Variants in PTPRD observed in about 807,000 individuals in gnomAD.
PTPRD encodes receptor-type tyrosine-protein phosphatase delta.
A neutral mutation model predicts 214.5 loss-of-function variants in PTPRD; 34 were observed. The observed-to-expected ratio is 0.16, with a 90% CI of 0.12 to 0.21. The LOEUF is 0.21. PTPRD is among the 10% of genes least tolerant of loss of function. The pLI is 1.00. For missense variants in PTPRD, 2,545 were observed against 2,398.7 expected, an observed-to-expected ratio of 1.06 and a Z score of -1.27; for synonymous variants, 1,128 against 845.7, an observed-to-expected ratio of 1.33 and a Z score of -5.79.
chr9:8,608,410 A>G (rs1003118612), intron 14 of PTPRD, among the ~76,000 whole-genome samples: 15 of 152,070 alleles, frequency 9.9e-5, no homozygotes, highest in African/African-American at 3.4e-4. Context: ...GTATTTCCAA[A>G]CTCTAGAATG....
intron 32 of PTPRD, among the ~76,000 whole-genome samples, chr9:8,461,779 T>C (rs576639583): frequency 3.3e-5 from 5 of 152,126 alleles, no homozygotes; most frequent in South Asian, 2.1e-4. Flanking sequence ...GAGTTAATTA[T>C]CTCTGACTCC....
At chr9:10,277,644 C>G (rs117313412) in intron 3 of PTPRD, among the ~76,000 whole-genome samples, 3 of 152,322 alleles carry the variant, frequency 2.0e-5, no homozygotes, top group East Asian at 3.9e-4. Flanking sequence ...TCTTGTATAA[C>G]TACTGCTATC....
intron 4 of PTPRD, among the ~76,000 whole-genome samples, chr9:9,947,416 A>ATATATTTTTTATATATAC (rs2092794938): frequency 2.6e-5 from 1 of 38,420 alleles, no homozygotes; most frequent in African/African-American, 1.9e-4. Context: ...TATATATTTT[A>ATATATTTTTTATATATAC]TATATATATT....
chr9:8,971,423 C>T (rs181657807), intron 11 of PTPRD, among the ~76,000 whole-genome samples: 4 of 151,742 alleles, frequency 2.6e-5, no homozygotes, highest in African/African-American at 7.2e-5. Context: ...CACAGCCTGG[C>T]TCCTGTAATT....
At chr9:10,529,975 G>A (rs1393102294) in intron 2 of PTPRD, among the ~76,000 whole-genome samples, 4 of 151,584 alleles carry the variant, frequency 2.6e-5, no homozygotes, top group East Asian at 1.9e-4. Context: ...AGACCTAGAC[G>A]ACAGGTTGTT....
At chr9:10,054,412 C>G (rs2097584848) in intron 3 of PTPRD, among the ~76,000 whole-genome samples, 1 of 152,040 alleles carries the variant, frequency 6.6e-6, no homozygotes, top group African/African-American at 2.4e-5. Flanking sequence ...TGCCTAGAAC[C>G]AAGATGCCCT....
At chr9:8,887,668 T>C (rs1374687576) in intron 11 of PTPRD, among the ~76,000 whole-genome samples, 1 of 152,188 alleles carries the variant, frequency 6.6e-6, no homozygotes, top group Non-Finnish European at 1.5e-5. Flanking sequence ...CCTATCCTAG[T>C]TACAAAGAGA....
chr9:8,708,629 A>C (rs1056840269), intron 12 of PTPRD, among the ~76,000 whole-genome samples: 8 of 146,214 alleles, frequency 5.5e-5, no homozygotes, highest in African/African-American at 1.7e-4. Context: ...CAGTGAGCCC[A>C]GATCGCACCA....
intron 14 of PTPRD, among the ~76,000 whole-genome samples, chr9:8,567,598 T>G (rs2154220385): frequency 6.6e-6 from 1 of 152,320 alleles, no homozygotes; most frequent in Middle Eastern, 3.4e-3. Context: ...CTGCTCAATA[T>G]TTTATGAATA....
chr9:10,206,154 A>C (rs1245239799), intron 3 of PTPRD, among the ~76,000 whole-genome samples: 1 of 152,094 alleles, frequency 6.6e-6, no homozygotes, highest in Non-Finnish European at 1.5e-5. Context: ...TAAGACCAGA[A>C]CAGCATTCTT....
intron 14 of PTPRD, among the ~76,000 whole-genome samples, chr9:8,537,821 A>G (rs2077327302): frequency 6.6e-6 from 1 of 152,014 alleles, no homozygotes; most frequent in Non-Finnish European, 1.5e-5. Context: ...TACAAATTAC[A>G]AAGTAATGTC....
chr9:9,390,728 C>G (rs2065521231), intron 9 of PTPRD, among the ~76,000 whole-genome samples: 1 of 152,140 alleles, frequency 6.6e-6, no homozygotes, highest in Non-Finnish European at 1.5e-5. Flanking sequence ...AGGAGGACAG[C>G]AGGCACAGTC....
chr9:9,783,978 G>GA (rs765552675), intron 5 of PTPRD, among the ~76,000 whole-genome samples: 3 of 151,786 alleles, frequency 2.0e-5, no homozygotes, highest in Non-Finnish European at 2.9e-5. Flanking sequence ...AAATAGTGGG[G>GA]AAAAAATTCT....
intron 7 of PTPRD, among the ~76,000 whole-genome samples, chr9:9,663,931 G>C (rs1327564318): frequency 6.6e-6 from 1 of 151,286 alleles, no homozygotes; most frequent in Non-Finnish European, 1.5e-5. Context: ...TTAAGATAAA[G>C]TTTTAGAAAC....
chr9:9,830,703 A>G (rs2054540288), intron 5 of PTPRD, among the ~76,000 whole-genome samples: 2 of 151,862 alleles, frequency 1.3e-5, no homozygotes, highest in South Asian at 4.1e-4. Flanking sequence ...GGACAATATA[A>G]TATTGAAAGA....
chr9:10,065,951 C>G (rs557265035), intron 3 of PTPRD, among the ~76,000 whole-genome samples: 1 of 151,922 alleles, frequency 6.6e-6, no homozygotes, highest in African/African-American at 2.4e-5. Context: ...TGCAAAATTT[C>G]CTTAAGACAT....
intron 5 of PTPRD, among the ~76,000 whole-genome samples, chr9:9,893,582 G>C (rs542984151): frequency 5.9e-5 from 9 of 152,210 alleles, no homozygotes; most frequent in Admixed American, 2.0e-4. Context: ...TAACTGAATA[G>C]CTAGTATTGA....
intron 14 of PTPRD, among the ~76,000 whole-genome samples, chr9:8,555,942 A>G (rs1219558641): frequency 6.6e-6 from 1 of 152,196 alleles, no homozygotes; most frequent in African/African-American, 2.4e-5. Context: ...GTCAGAGCAG[A>G]TGCAGATCTG....
chr9:8,608,156 T>C (rs2095308464), intron 14 of PTPRD, among the ~76,000 whole-genome samples: 2 of 151,992 alleles, frequency 1.3e-5, no homozygotes, highest in South Asian at 4.2e-4. Flanking sequence ...GTATAGGATA[T>C]ATCTATACAT....
Sources: allele counts gnomAD v4.1 joint callset (sites outside exome capture counted in the v4.1 genomes callset), GRCh38; gene constraint gnomAD v4.1.1; transcripts MANE v1.5; gene names NCBI Gene and HGNC (gene_info 2026-07-23, HGNC 2026-07-21).